PPIP5K2: variants seen among roughly 807,000 people sequenced by gnomAD.
The protein encoded by PPIP5K2 is diphosphoinositol pentakisphosphate kinase 2, also known as inositol hexakisphosphate and diphosphoinositol-pentakisphosphate kinase 2.
In PPIP5K2, 105 loss-of-function variants were observed where a neutral mutation model predicts 154.6. That is an observed-to-expected ratio of 0.68 (90% confidence interval 0.58 to 0.80). The LOEUF (loss-of-function observed/expected upper bound fraction) is 0.80. Among genes scored for constraint, PPIP5K2 ranks in the 30% least tolerant of loss-of-function variants. The pLI, the probability that PPIP5K2 is intolerant of heterozygous loss-of-function variation, is 0.00. For missense variants in PPIP5K2, 992 were observed against 1,504.6 expected, an observed-to-expected ratio of 0.66 and a Z score of 5.64; for synonymous variants, 480 against 490.3, an observed-to-expected ratio of 0.98 and a Z score of 0.28.
chr5:103,148,257 G>T, intron 7 of PPIP5K2: 1 of 535,978 alleles, frequency 1.9e-6, no homozygotes, highest in East Asian at 3.8e-5. Context: ...AGATTATGAT[G>T]GAGACAAATT....
At chr5:103,199,901 G>T (rs1239389541) in intron 30 of PPIP5K2, among the ~76,000 whole-genome samples, 1 of 151,972 alleles carries the variant, frequency 6.6e-6, no homozygotes, top group Admixed American at 6.6e-5. Context: ...TAAAATTCTT[G>T]TCTGTTAATC....
chr5:103,130,264 C>T (rs2149457391), intron 2 of PPIP5K2, among the ~76,000 whole-genome samples: 1 of 152,222 alleles, frequency 6.6e-6, no homozygotes, highest in East Asian at 1.9e-4. Context: ...TCTATCCATA[C>T]TGGATCTTAG....
At chr5:103,179,904 A>C (rs182889239) in intron 23 of PPIP5K2, 117 bp from the exon 24 acceptor site, 1 of 803,388 alleles carries the variant, frequency 1.2e-6, no homozygotes, top group Admixed American at 3.6e-5. Flanking sequence ...AATTCATCTG[A>C]GTAAACAAAC....
chr5:103,134,485 G>A (rs1791140730), intron 3 of PPIP5K2, among the ~76,000 whole-genome samples: 1 of 152,098 alleles, frequency 6.6e-6, no homozygotes, highest in Non-Finnish European at 1.5e-5. Flanking sequence ...AGAAGAAGAT[G>A]GAGCATGGTT....
intron 14 of PPIP5K2, among the ~76,000 whole-genome samples, chr5:103,156,743 C>G (rs548543978): frequency 3.2e-4 from 49 of 152,260 alleles, no homozygotes; most frequent in African/African-American, 1.2e-3. Context: ...ATATCAAAAA[C>G]TTCAGAAAAT....
At position 103,201,835 on chromosome 5, in the gene PPIP5K2, G is replaced by C. The variant is rs928871712; in HGVS notation, c.*201G>C. ...CATTCTGTGAGCAGCAAAACTTATA[G>C]TGATAAAAATCGATTGTTGTTAATA... On this transcript the variant is annotated 3_prime_UTR_variant, in exon 31 of 31. Coordinates refer to ENST00000358359, the MANE Select transcript of PPIP5K2 (RefSeq NM_001276277.3). The C allele has an allele frequency of 4.3e-5, 22 of 516,842 alleles. No individual in the cohort carries two copies. The highest frequency in any genetic ancestry group is 5.9e-5 in the Non-Finnish European group (17 of 289,036). 32.0% of individuals were successfully genotyped at this position (516,842 alleles called of 1,614,324 possible). A position where few individuals can be genotyped will look rare whatever the true frequency, so the allele number is the denominator to read the frequency against.
At chr5:103,168,345 T>C in intron 19 of PPIP5K2, 50 bp downstream of exon 19, 2 of 1,404,414 alleles carry the variant, frequency 1.4e-6, no homozygotes, top group Non-Finnish European at 2.0e-6. Context: ...AAAATACTTT[T>C]AAAATGTCTG....
chr5:103,184,391 A>G (rs927261524), intron 25 of PPIP5K2: 14 of 244,100 alleles, frequency 5.7e-5, no homozygotes, highest in African/African-American at 3.2e-4. Flanking sequence ...TTTAAGAGTG[A>G]AATTATATCA....
At chr5:103,134,124 C>A (rs1791087088) in intron 3 of PPIP5K2, among the ~76,000 whole-genome samples, 1 of 151,976 alleles carries the variant, frequency 6.6e-6, no homozygotes, top group African/African-American at 2.4e-5. Context: ...ACTTTAAGCC[C>A]CTTTCTATGC....
chr5:103,189,928 C>T (rs115625227), intron 28 of PPIP5K2, among the ~76,000 whole-genome samples: 7 of 151,930 alleles, frequency 4.6e-5, no homozygotes, highest in East Asian at 1.9e-4. Context: ...TATTTAACTG[C>T]GGGAAATTAA....
At chr5:103,147,326 CTAACAA>C (rs1793919376) in intron 6 of PPIP5K2, among the ~76,000 whole-genome samples, 1 of 151,826 alleles carries the variant, frequency 6.6e-6, no homozygotes, top group Non-Finnish European at 1.5e-5. Context: ...ATTAAGAAGC[CTAACAA>C]TAACAAGTGT....
intron 29 of PPIP5K2, among the ~76,000 whole-genome samples, chr5:103,193,954 A>G (rs555721870): frequency 6.6e-6 from 1 of 152,346 alleles, no homozygotes; most frequent in Non-Finnish European, 1.5e-5. Flanking sequence ...TTAGAAAGAA[A>G]ACCGGAAAGA....
chr5:103,133,158 T>C lies in PPIP5K2; in HGVS notation c.115-295T>C, dbSNP rs60877470. 7.8e-3 allele frequency among the ~76,000 whole-genome samples: 1,184 copies of C among 152,296 alleles called. 13 individuals carry two copies. Among genetic ancestry groups the C allele is most frequent in the African/African-American group, 0.026 (1,093 of 41,548 alleles). ...TGGTGTGAGGAGGATAAATAAATGC[T>C]AGAGGTAGTTAAAGAGGGGGTACTT... On this transcript the variant is annotated intron_variant, in intron 2 of 30. Coordinates refer to ENST00000358359, the MANE Select transcript of PPIP5K2 (RefSeq NM_001276277.3).
chr5:103,121,980 T>G (rs564227372), intron 1 of PPIP5K2, among the ~76,000 whole-genome samples: 6 of 152,272 alleles, frequency 3.9e-5, no homozygotes, highest in African/African-American at 1.4e-4. Context: ...GAAAAGGAAT[T>G]GTGGTTATGT....
At chr5:103,163,042 A>G (rs916877547) in intron 17 of PPIP5K2, among the ~76,000 whole-genome samples, 3 of 129,514 alleles carry the variant, frequency 2.3e-5, no homozygotes, top group African/African-American at 9.0e-5. Flanking sequence ...CCGTGTGCCA[A>G]TGAATAATAC....
intron 14 of PPIP5K2, among the ~76,000 whole-genome samples, chr5:103,157,188 T>G (rs1795541230): frequency 6.6e-6 from 1 of 152,140 alleles, no homozygotes; most frequent in Admixed American, 6.5e-5. Context: ...ATAATGCTTA[T>G]TTTTGAATTA....
intron 6 of PPIP5K2, 94 bp from the exon 7 acceptor site, chr5:103,147,837 G>A (rs1254953833): frequency 1.1e-5 from 8 of 738,978 alleles, no homozygotes; most frequent in Middle Eastern, 2.8e-4. Flanking sequence ...TGTCTAAGAT[G>A]GAAATAGATG....
At chr5:103,136,601 T>C (rs1258618987) in intron 3 of PPIP5K2, 131 bp from the exon 4 acceptor site, 1 of 689,046 alleles carries the variant, frequency 1.5e-6, no homozygotes, top group Non-Finnish European at 2.6e-6. Context: ...ATATATTCCA[T>C]ACCTTTTATA....
intron 14 of PPIP5K2, 55 bp downstream of exon 14, chr5:103,156,049 A>T (rs1795367700): frequency 4.3e-6 from 5 of 1,174,992 alleles, no homozygotes; most frequent in Non-Finnish European, 6.3e-6. Flanking sequence ...CTTGTTATTC[A>T]CTGTTGATTA....
Sources: gnomAD v4.1 joint callset for allele counts (sites outside exome capture counted in the v4.1 genomes callset) on GRCh38, gnomAD v4.1.1 for gene constraint, MANE v1.5 for transcripts, NCBI Gene and HGNC (gene_info 2026-07-23, HGNC 2026-07-21) for gene names.